RALGDS: variants seen among roughly 807,000 people sequenced by gnomAD.
RALGDS encodes the protein ral guanine nucleotide dissociation stimulator.
A neutral mutation model predicts 99.8 loss-of-function variants in RALGDS; 44 were observed. The ratio of observed to expected loss-of-function variants is 0.44; its 90% CI spans 0.35 to 0.57. The LOEUF (loss-of-function observed/expected upper bound fraction) is 0.57, where lower values mean the gene tolerates loss of function less well. RALGDS is among the 20% of genes least tolerant of loss of function. The pLI, the probability that RALGDS is intolerant of heterozygous loss-of-function variation, is 0.01. For missense variants in RALGDS, 1,022 were observed against 1,203.1 expected (o/e 0.85, Z 2.23); for synonymous variants, 529 against 505.0 (o/e 1.05, Z -0.64).
chr9:133,102,952 G>C (rs778450507), intron 12 of RALGDS, 52 bp from the exon 13 acceptor site: 6 of 1,607,038 alleles, frequency 3.7e-6, no homozygotes, highest in African/African-American at 1.3e-5. Context: ...GGGCAGCACA[G>C]GGGCCAGTCT....
intron 9 of RALGDS, among the ~76,000 whole-genome samples, chr9:133,104,910 A>G (rs1204449789): frequency 6.6e-6 from 1 of 152,142 alleles, no homozygotes; most frequent in African/African-American, 2.4e-5. Context: ...TGAACCTTCC[A>G]TAAGGTCAGC....
upstream of RALGDS, among the ~76,000 whole-genome samples, chr9:133,134,429 G>A (rs1217100024): frequency 6.6e-6 from 1 of 152,216 alleles, no homozygotes; most frequent in African/African-American, 2.4e-5. Context: ...TTTCCAGACA[G>A]CCTCTGCCAG....
intron 2 of RALGDS, 116 bp downstream of exon 2, chr9:133,111,926 T>A: frequency 1.3e-6 from 1 of 776,736 alleles, no homozygotes; most frequent in Admixed American, 2.0e-5. Flanking sequence ...ACAGTGGGGG[T>A]CGGGAAGGGA....
chr9:133,115,691 G>A (rs1464208651), intron 1 of RALGDS, among the ~76,000 whole-genome samples: 2 of 152,198 alleles, frequency 1.3e-5, no homozygotes, highest in Admixed American at 6.5e-5. Flanking sequence ...GGGACCTGAT[G>A]GCGTGGTACC....
upstream of RALGDS, among the ~76,000 whole-genome samples, chr9:133,126,076 C>A (rs112118840): frequency 2.8e-3 from 424 of 152,254 alleles, 2 homozygotes; most frequent in African/African-American, 9.8e-3. Flanking sequence ...GCGGTTGGAG[C>A]CTCTGCTGGG....
chr9:133,100,726 C>T (rs919761829), intron 16 of RALGDS: 49 of 1,208,478 alleles, frequency 4.1e-5, no homozygotes, highest in South Asian at 5.0e-5. Context: ...GGGGAACAGA[C>T]AGTCCCTAGT....
Position 133,106,701 on chromosome 9 carries a change from A to T in RALGDS, c.1461T>A (p.Ser487=), listed in dbSNP as rs2073822. 2.5e-6 allele frequency: 4 copies of T among 1,612,238 alleles called. No homozygotes were observed. Among genetic ancestry groups the T allele is most frequent in the African/African-American group, 1.3e-5 (1 of 74,960 alleles). The change falls in exon 8 of 18, where the codon TCT becomes TCA. Residue 487 remains serine, a synonymous_variant. Coordinates refer to ENST00000372050, the MANE Select transcript of RALGDS (RefSeq NM_006266.4). ...KNFSSLYAIL[S]ALQSNSIHRL... ...GGTGGATGGAGTTGCTCTGCAGGGC[A>T]GAGAGGATGGCATACAGTGACGAGA...
chr9:133,104,731 G>A (rs1830930538), intron 9 of RALGDS: 2 of 226,826 alleles, frequency 8.8e-6, no homozygotes, highest in African/African-American at 2.3e-5. Context: ...AGAATCCCTT[G>A]AACCCAGGAG....
At chr9:133,109,838 G>A in intron 3 of RALGDS, 117 bp from the exon 4 acceptor site, 2 of 787,598 alleles carry the variant, frequency 2.5e-6, no homozygotes, top group Non-Finnish European at 4.4e-6. Context: ...CTAGAAAAGG[G>A]CCAGCACACA....
chr9:133,128,037 G>A (rs1186872708), intron 1 of RALGDS, among the ~76,000 whole-genome samples: 1 of 152,182 alleles, frequency 6.6e-6, no homozygotes, highest in Admixed American at 6.5e-5. Flanking sequence ...GGGGAGGCAC[G>A]CAGAGGAACA....
At chr9:133,106,039 AAG>A (rs1307501593) in intron 8 of RALGDS, 23 bp from the exon 9 acceptor site, 1 of 1,588,278 alleles carries the variant, frequency 6.3e-7, no homozygotes, top group South Asian at 1.1e-5. Flanking sequence ...CAAAGAAGGA[AAG>A]AGAAAGCTGG....
chr9:133,097,813 ATTTT>A lies in RALGDS; in HGVS notation c.*770_*773del, dbSNP rs979618991. 1 of 216,846 alleles carries A rather than the reference ATTTT, an allele frequency of 4.6e-6. No individual in the cohort carries two copies. The highest frequency in any genetic ancestry group is 6.8e-5 in the East Asian group (1 of 14,762). 13.4% of individuals were successfully genotyped at this position (216,846 alleles called of 1,614,324 possible). ...GCCCCTCCCCAATCAGTAAACAAACATTTTTTTTTTCTTTTTGCTTTTTATACAA... is the reference window on the plus strand; with the variant it reads ...GCCCCTCCCCAATCAGTAAACAAACATTTTTTCTTTTTGCTTTTTATACAA... On this transcript the variant is annotated 3_prime_UTR_variant, in exon 18 of 18. Coordinates refer to ENST00000372050, the MANE Select transcript of RALGDS (RefSeq NM_006266.4).
intron 1 of RALGDS, among the ~76,000 whole-genome samples, chr9:133,130,464 T>A (rs1254451116): frequency 6.6e-6 from 1 of 152,100 alleles, no homozygotes; most frequent in Non-Finnish European, 1.5e-5. Flanking sequence ...CAATGGTTTG[T>A]TTCATTAAGT....
At chr9:133,133,935 C>G (rs748820974), upstream of RALGDS, among the ~76,000 whole-genome samples, 18 of 152,194 alleles carry the variant, frequency 1.2e-4, no homozygotes, top group Non-Finnish European at 7.3e-5. Flanking sequence ...AGTGACTCCT[C>G]GCGAAGCTGT....
At chr9:133,123,596 C>T (rs903268269), upstream of RALGDS, among the ~76,000 whole-genome samples, 1 of 152,248 alleles carries the variant, frequency 6.6e-6, no homozygotes, top group Non-Finnish European at 1.5e-5. Flanking sequence ...TACAAAGTTC[C>T]TCTTCCTGCC....
chr9:133,122,073 AACGCTG>A (rs1831970274), upstream of RALGDS, among the ~76,000 whole-genome samples: 8 of 152,346 alleles, frequency 5.3e-5, no homozygotes, highest in South Asian at 1.7e-3. Context: ...CAAGAGTGAC[AACGCTG>A]GGCAGAGCAC....
intron 1 of RALGDS, among the ~76,000 whole-genome samples, chr9:133,127,964 T>G (rs961720529): frequency 6.6e-6 from 1 of 152,176 alleles, no homozygotes; most frequent in African/African-American, 2.4e-5. Flanking sequence ...CGGATCAGCC[T>G]GGGGCTCGCT....
At chr9:133,147,311 C>T (rs1313568589) in intron 1 of RALGDS, among the ~76,000 whole-genome samples, 1 of 152,226 alleles carries the variant, frequency 6.6e-6, no homozygotes, top group Non-Finnish European at 1.5e-5. Context: ...AGGCCCCAGC[C>T]CTCCATGGCA....
Position 133,101,616 on chromosome 9 carries a change from G to C in RALGDS, c.2358C>G (p.Ser786Arg), listed in dbSNP as rs988212205. ...KRSVSGLCNS[S>R]SALPLYNQQV... ...GCTGGTTGTAGAGCGGCAGCGCGGA[G>C]CTGGAGTTGCAGAGCCCTGAGACAG... The change falls in exon 16 of 18, where the codon AGC becomes AGG. Residue 786 changes from serine to arginine, a missense_variant. Around this residue, in one of 3 missense-constraint regions of RALGDS, gnomAD observed 825 missense variants for 994.5 expected, o/e 0.83. Coordinates refer to ENST00000372050, the MANE Select transcript of RALGDS (RefSeq NM_006266.4). The C allele has an allele frequency of 6.2e-7, 1 of 1,613,432 alleles. No individual in the cohort carries two copies. Among genetic ancestry groups the C allele is most frequent in the East Asian group, 2.2e-5 (1 of 44,882 alleles).
Sources: gnomAD v4.1 joint callset for allele counts (sites outside exome capture counted in the v4.1 genomes callset) on GRCh38, gnomAD v4.1.1 for gene constraint, gnomAD v4.1.1 regional missense constraint, MANE v1.5 for transcripts, NCBI Gene and HGNC (gene_info 2026-07-23, HGNC 2026-07-21) for gene names.